DENND5B: variants seen among roughly 807,000 people sequenced by gnomAD.
The protein encoded by DENND5B is DENN domain-containing protein 5B.
Under a neutral mutation model 140.6 loss-of-function variants are expected in DENND5B, and 34 were observed. That is an observed-to-expected ratio of 0.24 (90% CI 0.18 to 0.32). The LOEUF is 0.32. Ranked by LOEUF, DENND5B falls within the 10% of genes least tolerant of loss-of-function variation. The pLI is 1.00. For missense variants in DENND5B, 1,142 were observed against 1,560.2 expected (o/e 0.73, Z 4.52); for synonymous variants, 551 against 562.1 (o/e 0.98, Z 0.28).
At chr12:31,502,047 T>G (rs1209091091) in intron 1 of DENND5B, among the ~76,000 whole-genome samples, 2 of 152,152 alleles carry the variant, frequency 1.3e-5, no homozygotes, top group Non-Finnish European at 2.9e-5. Context: ...CCGGGCGCAG[T>G]GGCTCACGCC....
chr12:31,412,530 G>A (rs557700393), intron 13 of DENND5B, among the ~76,000 whole-genome samples: 79 of 152,306 alleles, frequency 5.2e-4, no homozygotes, highest in South Asian at 4.6e-3. Context: ...TAGGGTTTAT[G>A]CTCCTTTGAG....
intron 7 of DENND5B, among the ~76,000 whole-genome samples, chr12:31,435,566 A>T (rs758861301): frequency 4.6e-5 from 7 of 152,158 alleles, no homozygotes; most frequent in Non-Finnish European, 1.0e-4. Context: ...AATTCTTAAA[A>T]TATTTAGATG....
chr12:31,441,655 A>AGTT (rs761859255), intron 7 of DENND5B, among the ~76,000 whole-genome samples: 130 of 151,720 alleles, frequency 8.6e-4, no homozygotes, highest in Middle Eastern at 6.8e-3. Context: ...CTCCAAATGA[A>AGTT]GTTGTTGTTG....
chr12:31,478,910 T>A (rs1205006186), intron 3 of DENND5B, among the ~76,000 whole-genome samples: 1 of 152,156 alleles, frequency 6.6e-6, no homozygotes, highest in Non-Finnish European at 1.5e-5. Flanking sequence ...AAATCCATAG[T>A]TTGTTATTTT....
chr12:31,451,746 A>C, intron 5 of DENND5B, 194 bp downstream of exon 5: 1 of 598,922 alleles, frequency 1.7e-6, no homozygotes, highest in South Asian at 2.4e-5. Flanking sequence ...AAATTATTTT[A>C]TCTAATGTAA....
rs770161622 is a variant in DENND5B, at chr12:31,452,225, C to T, written c.1344G>A (p.Leu448=). ...CTNNISMYEL[L]KGNETIARLQ... ...AGCGGGCTATGGTTTCATTGCCCTT[C>T]AGTAACTCATACATGCTGATGTTAT... The change falls in exon 5 of 21, where the codon CTG becomes CTA. Residue 448 remains leucine (L), a synonymous_variant. Transcript: ENST00000389082. 2.5e-6 allele frequency: 4 copies of T among 1,613,980 alleles called. No homozygotes were observed. The highest frequency in any genetic ancestry group is 2.5e-6 in the Non-Finnish European group (3 of 1,179,894).
chr12:31,537,075 A>G (rs574972036), intron 1 of DENND5B, among the ~76,000 whole-genome samples: 3 of 152,338 alleles, frequency 2.0e-5, no homozygotes, highest in East Asian at 3.9e-4. Flanking sequence ...AAGAAATGCT[A>G]ACAGGTGTAC....
At chr12:31,589,729 C>T (rs995419023) in intron 1 of DENND5B, among the ~76,000 whole-genome samples, 2 of 151,896 alleles carry the variant, frequency 1.3e-5, no homozygotes, top group Non-Finnish European at 2.9e-5. Flanking sequence ...GATGTCACTT[C>T]TCTCACCCAT....
In DENND5B at chr12:31,585,801, T is replaced by C. The variant is rs150417139; in HGVS notation, c.127+4905A>G. Among the ~76,000 whole-genome samples, 475 of 152,252 alleles carry C rather than the reference T, an allele frequency of 3.1e-3. 4 individuals carry two copies. The highest frequency in any genetic ancestry group is 0.011 in the African/African-American group (442 of 41,544). On this transcript the variant is annotated intron_variant, in intron 1 of 20. Coordinates refer to ENST00000389082, the MANE Select transcript of DENND5B (RefSeq NM_144973.4). ...AAACCACACCCAACACAACCAAAGCTAAAAATAGCTAGAGAGAGACACTAA... is the reference window on the plus strand; with the variant it reads ...AAACCACACCCAACACAACCAAAGCCAAAAATAGCTAGAGAGAGACACTAA...
chr12:31,498,464 A>C (rs949221405), intron 1 of DENND5B, among the ~76,000 whole-genome samples: 1 of 152,178 alleles, frequency 6.6e-6, no homozygotes, highest in Non-Finnish European at 1.5e-5. Context: ...ACCTCCAGAA[A>C]GAAATAATTT....
intron 1 of DENND5B, among the ~76,000 whole-genome samples, chr12:31,514,742 G>C (rs907274313): frequency 6.6e-6 from 1 of 151,730 alleles, no homozygotes; most frequent in African/African-American, 2.4e-5. Context: ...ACTTGAATCT[G>C]ATTCAGGGAG....
chr12:31,428,340 C>T (rs1943341294), intron 8 of DENND5B, among the ~76,000 whole-genome samples: 1 of 135,022 alleles, frequency 7.4e-6, no homozygotes, highest in Non-Finnish European at 1.7e-5. Context: ...AAGACTCCAT[C>T]TCAAAAAAAA....
At chr12:31,464,202 T>C (rs1945152090) in intron 3 of DENND5B, among the ~76,000 whole-genome samples, 1 of 152,222 alleles carries the variant, frequency 6.6e-6, no homozygotes, top group Admixed American at 6.5e-5. Flanking sequence ...GGCCCTTGTC[T>C]GCCTCATTCC....
rs138204328 is a variant in DENND5B at position 31,547,074 on chromosome 12, G to A, written c.127+43632C>T. On this transcript the variant is annotated intron_variant, in intron 1 of 20. Transcript: ENST00000389082. Reference sequence around the variant, plus strand: ...CTTTTTTCCTCTAGAGTTTCTCTGAGGTCACTGCCATGTTGCTTCCTATCA... The same window carrying A: ...CTTTTTTCCTCTAGAGTTTCTCTGAAGTCACTGCCATGTTGCTTCCTATCA... Among the ~76,000 whole-genome samples, 11 of 152,280 alleles carry A rather than the reference G, an allele frequency of 7.2e-5. No individual in the cohort carries two copies. In the East Asian group the frequency reaches 2.1e-3, roughly 29 times the overall value.
intron 3 of DENND5B, among the ~76,000 whole-genome samples, chr12:31,466,340 A>G (rs552433624): frequency 6.6e-6 from 1 of 151,592 alleles, no homozygotes; most frequent in South Asian, 2.1e-4. Flanking sequence ...CAACAGAGTG[A>G]GACTCCATCT....
chr12:31,470,681 C>G (rs1281909720), intron 3 of DENND5B, among the ~76,000 whole-genome samples: 1 of 152,194 alleles, frequency 6.6e-6, no homozygotes, highest in Non-Finnish European at 1.5e-5. Context: ...ACTCTTAAAC[C>G]TGTGGAGTCT....
At chr12:31,502,367 C>T (rs542015050) in intron 1 of DENND5B, among the ~76,000 whole-genome samples, 13 of 152,050 alleles carry the variant, frequency 8.5e-5, no homozygotes, top group Middle Eastern at 3.2e-3. Context: ...AAGTAATCTA[C>T]CTTTTATAAA....
intron 14 of DENND5B, among the ~76,000 whole-genome samples, chr12:31,404,160 G>C (rs2137443628): frequency 6.6e-6 from 1 of 152,206 alleles, no homozygotes; most frequent in Middle Eastern, 3.4e-3. Flanking sequence ...GGGAGGTCAA[G>C]GATGCAGTGA....
intron 14 of DENND5B, among the ~76,000 whole-genome samples, chr12:31,405,706 C>T (rs1942091990): frequency 6.6e-6 from 1 of 151,500 alleles, no homozygotes; most frequent in African/African-American, 2.4e-5. Context: ...TGCCACCGTG[C>T]CCAGCTAATT....
Sources: gnomAD v4.1 joint callset for allele counts (sites outside exome capture counted in the v4.1 genomes callset) on GRCh38, gnomAD v4.1.1 for gene constraint, MANE v1.5 for transcripts, NCBI Gene and HGNC (gene_info 2026-07-23, HGNC 2026-07-21) for gene names.